The following DAB1 variants were observed in gnomAD, a reference collection of about 807,000 sequenced individuals.
DAB1 encodes the protein disabled homolog 1.
Under a neutral mutation model 64.6 loss-of-function variants are expected in DAB1, and 15 were observed. The ratio of observed to expected loss-of-function variants is 0.23; its 90% confidence interval spans 0.16 to 0.36. The LOEUF is 0.36. Ranked by LOEUF, DAB1 falls within the 10% of genes least tolerant of loss-of-function variation. The pLI is 1.00. For synonymous variants in DAB1, 235 were observed against 251.9 expected, an observed-to-expected ratio of 0.93 and a Z score of 0.64; for missense variants, 596 against 706.7, an observed-to-expected ratio of 0.84 and a Z score of 1.78.
chr1:58,522,227 T>C (rs988573925), intron 2 of DAB1, among the ~76,000 whole-genome samples: 3 of 152,126 alleles, frequency 2.0e-5, no homozygotes, highest in Non-Finnish European at 4.4e-5. Context: ...GCTTAATACC[T>C]AGGTGATGAG....
At chr1:58,175,938 A>C (rs1656449113) in intron 4 of DAB1, among the ~76,000 whole-genome samples, 1 of 152,226 alleles carries the variant, frequency 6.6e-6, no homozygotes, top group Non-Finnish European at 1.5e-5. Context: ...AAAAGGAAGC[A>C]TTCACATAGA....
chr1:58,462,217 C>T (rs951838345), intron 3 of DAB1, among the ~76,000 whole-genome samples: 1 of 148,680 alleles, frequency 6.7e-6, no homozygotes, highest in Non-Finnish European at 1.5e-5. Flanking sequence ...AGCTCCGCTT[C>T]CCGGGTTCAC....
In DAB1 at chr1:58,426,960, C is replaced by T. The variant is rs541494097; in HGVS notation, n.257+79100G>A. Among the ~76,000 whole-genome samples the T allele has an allele frequency of 2.0e-5, 3 of 152,256 alleles. No individual in the cohort carries two copies. In the South Asian group the frequency reaches 6.2e-4, roughly 32 times the overall value. On this transcript the variant is annotated intron_variant and non_coding_transcript_variant, in intron 3 of 20. Coordinates refer to the DAB1 transcript ENST00000485760. ...CTGCAAAGAAAAGGTTTGAGCAAGA[C>T]ATTGAAAGAGGTGAGGGCATATTCA...
chr1:58,083,543 A>T (rs1240877892), intron 5 of DAB1, among the ~76,000 whole-genome samples: 6 of 152,242 alleles, frequency 3.9e-5, no homozygotes, highest in African/African-American at 1.4e-4. Context: ...TTAACTATAT[A>T]TGAATTTAGT....
intron 1 of DAB1, among the ~76,000 whole-genome samples, chr1:57,365,076 T>C (rs1291533281): frequency 6.9e-6 from 1 of 145,344 alleles, no homozygotes; most frequent in Non-Finnish European, 1.5e-5. Flanking sequence ...ACTTTATATA[T>C]ATATATAAAG....
chr1:57,938,940 A>G (rs1368099360), intron 5 of DAB1, among the ~76,000 whole-genome samples: 1 of 151,958 alleles, frequency 6.6e-6, no homozygotes, highest in Non-Finnish European at 1.5e-5. Flanking sequence ...AAATATTTTC[A>G]ATGTCCCCTG....
At chr1:57,741,790 T>C (rs1423721239) in intron 6 of DAB1, among the ~76,000 whole-genome samples, 5 of 152,216 alleles carry the variant, frequency 3.3e-5, no homozygotes, top group African/African-American at 1.2e-4. Context: ...CGAGCTCAGC[T>C]GGACAAGGTT....
At position 58,451,678 on chromosome 1, in the gene DAB1, C is replaced by T. The variant is rs150027449; in HGVS notation, n.257+54382G>A. On this transcript the variant is annotated intron_variant and non_coding_transcript_variant, in intron 3 of 20. Coordinates refer to the DAB1 transcript ENST00000485760. ...AAAGGACAAGAAAAGACATACTATA[C>T]AAATACTGATCATAAGAAAGCTAGA... Among the ~76,000 whole-genome samples, 67 of 151,940 alleles carry T rather than the reference C, an allele frequency of 4.4e-4. No homozygotes were observed. The East Asian group carries it at 0.013, about 29-fold the overall frequency.
At chr1:57,884,226 T>G (rs757454556), upstream of DAB1, 1 of 152,216 alleles carries the variant, frequency 6.6e-6, no homozygotes, top group Non-Finnish European at 1.5e-5. Context: ...TAAAGTACAA[T>G]GGTCATCACA....
chr1:58,131,931 C>T (rs1421929835), intron 5 of DAB1, among the ~76,000 whole-genome samples: 1 of 150,990 alleles, frequency 6.6e-6, no homozygotes, highest in Non-Finnish European at 1.5e-5. Context: ...GCCCTGCCCC[C>T]AGAGGTGGTG....
intron 3 of DAB1, among the ~76,000 whole-genome samples, chr1:58,402,537 A>T (rs1168240568): frequency 6.6e-6 from 1 of 152,202 alleles, no homozygotes; most frequent in Non-Finnish European, 1.5e-5. Flanking sequence ...AACGTGAATA[A>T]AAGCAAAACC....
intron 7 of DAB1, among the ~76,000 whole-genome samples, chr1:57,430,942 T>G (rs911753527): frequency 6.7e-6 from 1 of 149,946 alleles, no homozygotes; most frequent in African/African-American, 2.4e-5. Flanking sequence ...AAACAACTCA[T>G]AGCCAAGTGA....
intron 5 of DAB1, among the ~76,000 whole-genome samples, chr1:57,895,931 T>A (rs1644385537): frequency 6.6e-6 from 1 of 152,166 alleles, no homozygotes; most frequent in Non-Finnish European, 1.5e-5. Flanking sequence ...AATAAAAGAC[T>A]ATTACAGAGG....
chr1:57,854,867 G>A (rs1173631566), intron 1 of DAB1, among the ~76,000 whole-genome samples: 1 of 152,182 alleles, frequency 6.6e-6, no homozygotes, highest in Non-Finnish European at 1.5e-5. Context: ...CTTCATGTGG[G>A]TTAATTCTGC....
chr1:58,470,075 T>C (rs1225819488), intron 3 of DAB1, among the ~76,000 whole-genome samples: 1 of 151,708 alleles, frequency 6.6e-6, no homozygotes, highest in Non-Finnish European at 1.5e-5. Context: ...AAGAGGGAAT[T>C]TGAGGTTGGC....
intron 2 of DAB1, among the ~76,000 whole-genome samples, chr1:57,248,884 A>T (rs1432325821): frequency 6.6e-6 from 1 of 152,120 alleles, no homozygotes; most frequent in East Asian, 1.9e-4. Context: ...TCCTCATGAG[A>T]TCCAGTTGAG....
intron 4 of DAB1, chr1:58,228,887 G>A: frequency 1.8e-6 from 1 of 558,648 alleles, no homozygotes; most frequent in East Asian, 4.4e-5. Context: ...GCATCCGCAG[G>A]CAACCTAACA....
intron 5 of DAB1, among the ~76,000 whole-genome samples, chr1:58,061,148 A>T (rs1002146773): frequency 6.6e-6 from 1 of 152,226 alleles, no homozygotes; most frequent in Non-Finnish European, 1.5e-5. Context: ...AACACCTCAG[A>T]GTATCAGAGA....
At chr1:57,704,915 CAT>C (rs1264613764) in intron 6 of DAB1, among the ~76,000 whole-genome samples, 65 of 71,154 alleles carry the variant, frequency 9.1e-4, no homozygotes, top group Middle Eastern at 6.8e-3. Flanking sequence ...CCTTCCTTTT[CAT>C]CTTTCCTTCC....
Sources: gnomAD v4.1 joint callset for allele counts (sites outside exome capture counted in the v4.1 genomes callset) on GRCh38, gnomAD v4.1.1 for gene constraint, MANE v1.5 for transcripts, NCBI Gene and HGNC (gene_info 2026-07-23, HGNC 2026-07-21) for gene names.